TASOR: variants seen among roughly 807,000 people sequenced by gnomAD.
TASOR encodes transcription activation suppressor.
In TASOR, 53 loss-of-function variants were observed where a neutral mutation model predicts 178.6. The observed-to-expected ratio is 0.30, with a 90% confidence interval of 0.24 to 0.37. The LOEUF is 0.37. Among genes scored for constraint, TASOR ranks in the 10% least tolerant of loss-of-function variants. The pLI, the probability that TASOR is intolerant of heterozygous loss-of-function variation, is 1.00. For missense variants in TASOR, 1,815 were observed against 1,971.4 expected, an observed-to-expected ratio of 0.92 and a Z score of 1.50; for synonymous variants, 713 against 696.2, an observed-to-expected ratio of 1.02 and a Z score of -0.38.
chr3:56,682,470 G>A (rs934050820), intron 1 of TASOR, among the ~76,000 whole-genome samples: 7 of 151,932 alleles, frequency 4.6e-5, no homozygotes, highest in Non-Finnish European at 8.8e-5. Context: ...ACTTCCGCGG[G>A]GAGGGGCAGC....
rs1486153608 is a variant in TASOR, at chr3:56,621,252, G to T, written c.*1785C>A. 4 of 243,494 alleles carry T rather than the reference G, an allele frequency of 1.6e-5. No homozygotes were observed. The highest frequency in any genetic ancestry group is 3.1e-5 in the Non-Finnish European group (4 of 127,466). The allele number at this position is 243,494 out of a possible 1,614,324, so 15.1% of individuals were successfully genotyped here. On this transcript the variant is annotated 3_prime_UTR_variant, in exon 24 of 24. Transcript: ENST00000683822. ...AAGAGCACTTGGGGGTGGACTGGGG[G>T]AGAAGGGATGACTTCATTTACCCCC...
At position 56,627,657 on chromosome 3, in the gene TASOR, A is replaced by G; in HGVS notation, c.3955T>C (p.Tyr1319His). The change falls in exon 20 of 24, where the codon TAC becomes CAC. Residue 1319 changes from tyrosine (Y) to histidine (H), a missense_variant. Physicochemically the swap from Tyr to His is moderately conservative, Grantham distance 83 (BLOSUM62 2). This residue lies in a region of TASOR where 134 missense variants were observed against 195.2 expected (regional missense o/e 0.69). Coordinates refer to ENST00000683822, the MANE Select transcript of TASOR (RefSeq NM_001365635.2). Reference sequence around the variant, plus strand: ...CCTCCAGATACAAATAATTCATTGTATGTATGATTTTTAACATCATCCAGG... The same window carrying G: ...CCTCCAGATACAAATAATTCATTGTGTGTATGATTTTTAACATCATCCAGG... The part of the protein sequence containing the change: ...DSLDDVKNHT[Y>H]NELFVSGGFI... The G allele has an allele frequency of 6.2e-7, 1 of 1,613,932 alleles. No individual in the cohort carries two copies. The highest frequency in any genetic ancestry group is 8.5e-7 in the Non-Finnish European group (1 of 1,179,812).
intron 14 of TASOR, among the ~76,000 whole-genome samples, chr3:56,643,690 G>A (rs941465966): frequency 5.3e-5 from 8 of 151,240 alleles, no homozygotes; most frequent in Non-Finnish European, 1.2e-4. Flanking sequence ...GGGAGGCGGA[G>A]CTTGCAGTGA....
intron 18 of TASOR, 86 bp from the exon 19 acceptor site, chr3:56,628,700 AGCT>A: frequency 1.2e-6 from 1 of 840,582 alleles, no homozygotes; most frequent in Non-Finnish European, 1.8e-6. Flanking sequence ...TAAACTGATA[AGCT>A]TAACTACTAC....
intron 18 of TASOR, among the ~76,000 whole-genome samples, chr3:56,630,912 C>T (rs887269004): frequency 6.7e-4 from 16 of 23,780 alleles, no homozygotes; most frequent in African/African-American, 2.7e-3. Context: ...AAAAAAGGAG[C>T]GGGGGGGTGG....
At chr3:56,627,431 TA>T in intron 20 of TASOR, 150 bp downstream of exon 20, 1 of 875,064 alleles carries the variant, frequency 1.1e-6, no homozygotes, top group Non-Finnish European at 1.8e-6. Flanking sequence ...ATTATTGGTC[TA>T]AGAGAAGGAG....
At chr3:56,677,890 A>C (rs1400336146) in intron 1 of TASOR, among the ~76,000 whole-genome samples, 1 of 152,188 alleles carries the variant, frequency 6.6e-6, no homozygotes, top group South Asian at 2.1e-4. Context: ...AAGTTCTTTC[A>C]CACATTAAGA....
In TASOR at chr3:56,653,650, CAGA is replaced by C. The variant is rs1239662598; in HGVS notation, c.1369-4596_1369-4594del. On this transcript the variant is annotated intron_variant, in intron 11 of 23. Transcript: ENST00000683822. ...ATAGATTATACATTTTTCTCAAACA[CAGA>C]AGGAGCATGTACAAAAATTGACCAC... Among the ~76,000 whole-genome samples, 23 of 151,656 alleles carry C rather than the reference CAGA, an allele frequency of 1.5e-4. No individual in the cohort carries two copies. In the South Asian group the frequency reaches 2.7e-3, roughly 18 times the overall value.
At chr3:56,626,517 TG>T (rs1369936612) in intron 21 of TASOR, among the ~76,000 whole-genome samples, 3 of 151,958 alleles carry the variant, frequency 2.0e-5, no homozygotes, top group Non-Finnish European at 4.4e-5. Flanking sequence ...CCGAGGCAGG[TG>T]GATCACCTGA....
intron 17 of TASOR, among the ~76,000 whole-genome samples, chr3:56,637,908 A>T (rs1021509202): frequency 1.3e-5 from 2 of 152,186 alleles, no homozygotes; most frequent in African/African-American, 4.8e-5. Context: ...CCAACTAGCT[A>T]ATCAATAATA....
intron 7 of TASOR, among the ~76,000 whole-genome samples, chr3:56,665,573 G>A (rs2077691549): frequency 6.6e-6 from 1 of 151,990 alleles, no homozygotes; most frequent in Non-Finnish European, 1.5e-5. Flanking sequence ...TGGCCAGGCT[G>A]TTCTTGAACT....
chr3:56,681,639 C>T (rs1231471710), intron 1 of TASOR, among the ~76,000 whole-genome samples: 1 of 152,172 alleles, frequency 6.6e-6, no homozygotes, highest in Non-Finnish European at 1.5e-5. Context: ...AAAACAAATC[C>T]TATTTTTTTC....
chr3:56,671,551 T>C, intron 3 of TASOR, 49 bp downstream of exon 3: 1 of 1,344,316 alleles, frequency 7.4e-7, no homozygotes, highest in Non-Finnish European at 1.0e-6. Flanking sequence ...ATTAGTAACT[T>C]ACAATGGAAA....
At chr3:56,651,873 T>C (rs2077359375) in intron 11 of TASOR, among the ~76,000 whole-genome samples, 1 of 152,188 alleles carries the variant, frequency 6.6e-6, no homozygotes, top group Non-Finnish European at 1.5e-5. Context: ...AAAAACATTT[T>C]CAAGCAAAAA....
chr3:56,662,941 G>A (rs754971329), intron 8 of TASOR, among the ~76,000 whole-genome samples: 11 of 152,176 alleles, frequency 7.2e-5, no homozygotes, highest in Admixed American at 3.3e-4. Flanking sequence ...CACTTTGGGA[G>A]GCCGAGGCGG....
At chr3:56,660,172 A>G (rs4299454) in intron 11 of TASOR, among the ~76,000 whole-genome samples, 8,029 of 151,990 alleles carry the variant, frequency 0.053, 698 homozygotes, top group African/African-American at 0.18. Context: ...TGATAATCAC[A>G]TTCTTAATCA....
At chr3:56,659,692 T>C (rs943457102) in intron 11 of TASOR, among the ~76,000 whole-genome samples, 2 of 152,138 alleles carry the variant, frequency 1.3e-5, no homozygotes, top group East Asian at 1.9e-4. Flanking sequence ...ACTTTCAAAG[T>C]TTCAATGCAC....
chr3:56,681,409 T>A (rs1233302854), intron 1 of TASOR, among the ~76,000 whole-genome samples: 1 of 152,222 alleles, frequency 6.6e-6, no homozygotes, highest in African/African-American at 2.4e-5. Flanking sequence ...ACATTCCTCA[T>A]GCTAATTTCC....
At chr3:56,664,046 T>A in intron 7 of TASOR, 1 of 172,326 alleles carries the variant, frequency 5.8e-6, no homozygotes, top group Non-Finnish European at 1.1e-5. Flanking sequence ...CAATGATATA[T>A]AACAGATCAT....
Sources: gnomAD v4.1 joint callset for allele counts (sites outside exome capture counted in the v4.1 genomes callset) on GRCh38, gnomAD v4.1.1 for gene constraint, gnomAD v4.1.1 regional missense constraint, MANE v1.5 for transcripts, NCBI Gene and HGNC (gene_info 2026-07-23, HGNC 2026-07-21) for gene names.